TBC1D32: variants seen among roughly 807,000 people sequenced by gnomAD.
TBC1D32 encodes TBC1 domain family member 32.
Under a neutral mutation model 170.3 loss-of-function variants are expected in TBC1D32, and 151 were observed. The ratio of observed to expected loss-of-function variants is 0.89; its 90% CI spans 0.78 to 1.01. The LOEUF (loss-of-function observed/expected upper bound fraction) is 1.01, where lower values mean the gene tolerates loss of function less well. TBC1D32 is among the 50% of genes least tolerant of loss of function. The pLI, the probability that TBC1D32 is intolerant of heterozygous loss-of-function variation, is 0.00. For missense variants in TBC1D32, 1,464 were observed against 1,457.1 expected (o/e 1.00, Z -0.08); for synonymous variants, 498 against 488.0 (o/e 1.02, Z -0.27).
intron 29 of TBC1D32, among the ~76,000 whole-genome samples, chr6:121,110,266 T>G (rs540817342): frequency 1.1e-4 from 16 of 143,960 alleles, no homozygotes; most frequent in African/African-American, 3.8e-4. Flanking sequence ...AAAAAAAATT[T>G]TATATATATA....
At chr6:121,304,914 A>T in intron 5 of TBC1D32, 81 bp from the exon 6 acceptor site, 1 of 930,268 alleles carries the variant, frequency 1.1e-6, no homozygotes, top group Non-Finnish European at 1.7e-6. Flanking sequence ...CACAGTAAAA[A>T]CTCAGAAAAT....
At chr6:121,313,908 A>C (rs1808582689) in intron 3 of TBC1D32, among the ~76,000 whole-genome samples, 1 of 152,212 alleles carries the variant, frequency 6.6e-6, no homozygotes, top group Non-Finnish European at 1.5e-5. Flanking sequence ...TAGAGGCCAG[A>C]AAACAGTTGT....
intron 22 of TBC1D32, among the ~76,000 whole-genome samples, chr6:121,172,098 G>GAT (rs975907702): frequency 1.3e-5 from 2 of 151,804 alleles, no homozygotes; most frequent in Non-Finnish European, 2.9e-5. Context: ...GGCTGTTCAT[G>GAT]ATATATATAT....
chr6:121,272,333 G>A (rs1801568328), intron 15 of TBC1D32, among the ~76,000 whole-genome samples: 1 of 151,990 alleles, frequency 6.6e-6, no homozygotes, highest in South Asian at 2.1e-4. Flanking sequence ...CTACAGAAAG[G>A]GAGAAACTTT....
At chr6:121,152,829 G>T (rs529312679) in intron 24 of TBC1D32, among the ~76,000 whole-genome samples, 1 of 151,928 alleles carries the variant, frequency 6.6e-6, no homozygotes, top group African/African-American at 2.4e-5. Flanking sequence ...CAATTTTCTC[G>T]TGCTGTGTTT....
In TBC1D32 at chr6:121,334,466, G is replaced by A. The variant is rs748083652; in HGVS notation, c.-36C>T. 1 of 1,593,188 alleles carries A rather than the reference G, an allele frequency of 6.3e-7. No individual in the cohort carries two copies. The highest frequency in any genetic ancestry group is 1.3e-5 in the African/African-American group (1 of 74,274). On this transcript the variant is annotated 5_prime_UTR_variant, in exon 1 of 32. Coordinates refer to ENST00000398212, the MANE Select transcript of TBC1D32 (RefSeq NM_152730.6). ...TCAAACGTCCACTCTCATTACTCCA[G>A]GTCCGAGCAAAAGCCGCGCACTGCG...
chr6:121,271,814 T>G (rs1008116156), intron 15 of TBC1D32, among the ~76,000 whole-genome samples: 2 of 151,470 alleles, frequency 1.3e-5, no homozygotes, highest in Non-Finnish European at 3.0e-5. Context: ...AAGACAATCC[T>G]AAGACAAAAG....
At position 121,080,902 on chromosome 6, in the gene TBC1D32, T is replaced by C; in HGVS notation, c.3655-12A>G. On this transcript the variant is annotated splice_polypyrimidine_tract_variant and intron_variant, in intron 31 of 31. Transcript: ENST00000398212. ...TGCAGTGCTTCTTCCTGCCAAAAAT[T>C]ACAAAGGGAAAATTATTTACTTGAG... 6.2e-7 allele frequency: 1 copy of C among 1,604,056 alleles called. No individual in the cohort carries two copies. The highest frequency in any genetic ancestry group is 8.5e-7 in the Non-Finnish European group (1 of 1,177,228).
At chr6:121,316,010 C>G (rs1439492411) in intron 3 of TBC1D32, among the ~76,000 whole-genome samples, 3 of 151,932 alleles carry the variant, frequency 2.0e-5, no homozygotes, top group South Asian at 2.1e-4. Flanking sequence ...TTATATATAC[C>G]CTGCGGACAT....
chr6:121,287,087 G>T (rs1188449903), intron 12 of TBC1D32, among the ~76,000 whole-genome samples: 1 of 152,068 alleles, frequency 6.6e-6, no homozygotes, highest in Non-Finnish European at 1.5e-5. Flanking sequence ...GGAAGAAACT[G>T]CATCAACTAA....
chr6:121,151,741 T>C (rs2128235525), intron 24 of TBC1D32, among the ~76,000 whole-genome samples: 1 of 152,372 alleles, frequency 6.6e-6, no homozygotes, highest in South Asian at 2.1e-4. Context: ...CATTGATTCC[T>C]TCACCATTAT....
At chr6:121,188,090 C>G (rs1272479384) in intron 22 of TBC1D32, among the ~76,000 whole-genome samples, 1 of 152,072 alleles carries the variant, frequency 6.6e-6, no homozygotes, top group Non-Finnish European at 1.5e-5. Context: ...CTTAACTTCT[C>G]TGTGTCCCAG....
intron 25 of TBC1D32, among the ~76,000 whole-genome samples, chr6:121,128,662 C>T (rs745549361): frequency 9.2e-5 from 14 of 151,932 alleles, no homozygotes; most frequent in African/African-American, 2.9e-4. Context: ...GGTAGGAATA[C>T]GACATGAATA....
chr6:121,292,670 A>G (rs990711949), intron 11 of TBC1D32, among the ~76,000 whole-genome samples: 1 of 152,228 alleles, frequency 6.6e-6, no homozygotes, highest in East Asian at 1.9e-4. Context: ...TACACAGAAG[A>G]TAACAGAATT....
chr6:121,276,102 A>G (rs1802169599), intron 15 of TBC1D32, among the ~76,000 whole-genome samples: 1 of 145,430 alleles, frequency 6.9e-6, no homozygotes, highest in Non-Finnish European at 1.5e-5. Context: ...CCTGGGCAAC[A>G]GAGTGAGACC....
Position 121,303,496 on chromosome 6 carries a change from A to C in TBC1D32, c.1080+121T>G, listed in dbSNP as rs1806792108. On this transcript the variant is annotated intron_variant, in intron 9 of 31. Transcript: ENST00000398212. ...ACCTCGTAAAGTTTTATAAGAAATA[A>C]ATGAGCTAACACATGTAAAAGTGAT... 7 of 814,726 alleles carry C rather than the reference A, an allele frequency of 8.6e-6. 1 individual carries two copies. The highest frequency in any genetic ancestry group is 1.2e-5 in the Non-Finnish European group (7 of 600,988). 50.5% of individuals were successfully genotyped at this position (814,726 alleles called of 1,614,324 possible).
rs147132538 is a variant in TBC1D32 at position 121,139,259 on chromosome 6, C to A, written c.2774-7507G>T. 2.3e-4 allele frequency among the ~76,000 whole-genome samples: 35 copies of A among 152,278 alleles called. 1 individual carries two copies. The East Asian group carries it at 6.6e-3, about 29-fold the overall frequency. On this transcript the variant is annotated intron_variant, in intron 24 of 31. Transcript: ENST00000398212. ...ACATAATTCATCACACTTGCAAAGG[C>A]AATCCAGTCCAGTCATTCGTTAAAT...
At chr6:121,157,503 T>C (rs1462823211) in intron 24 of TBC1D32, among the ~76,000 whole-genome samples, 1 of 152,158 alleles carries the variant, frequency 6.6e-6, no homozygotes, top group African/African-American at 2.4e-5. Context: ...CCAGTTACAT[T>C]CAGGGTATTA....
chr6:121,333,752 T>C (rs1257331151), intron 1 of TBC1D32, among the ~76,000 whole-genome samples: 2 of 152,166 alleles, frequency 1.3e-5, no homozygotes, highest in East Asian at 3.8e-4. Flanking sequence ...TATTAGGATA[T>C]GCTGGTTGTG....
Sources: allele counts gnomAD v4.1 joint callset (sites outside exome capture counted in the v4.1 genomes callset), GRCh38; gene constraint gnomAD v4.1.1; transcripts MANE v1.5; gene names NCBI Gene and HGNC (gene_info 2026-07-23, HGNC 2026-07-21).